Variants in RPS6KC1 observed in about 807,000 individuals in gnomAD.
RPS6KC1 encodes the protein ribosomal protein S6 kinase C1.
RPS6KC1 carries 54 observed loss-of-function variants against 103.8 expected under a neutral mutation model. The observed-to-expected ratio is 0.52, with a 90% CI of 0.42 to 0.65. The LOEUF is 0.65. RPS6KC1 is among the 30% of genes least tolerant of loss of function. RPS6KC1 has a pLI of 0.00. For synonymous variants in RPS6KC1, 439 were observed against 438.7 expected (o/e 1.00, Z -0.01); for missense variants, 1,151 against 1,253.8 (o/e 0.92, Z 1.24).
At chr1:213,150,149 T>G (rs957899192) in intron 6 of RPS6KC1, among the ~76,000 whole-genome samples, 5 of 152,126 alleles carry the variant, frequency 3.3e-5, no homozygotes, top group Admixed American at 6.6e-5. Flanking sequence ...TCAATGTTAT[T>G]ATTTATAAGT....
chr1:213,226,064 A>G (rs1201546808), intron 8 of RPS6KC1, among the ~76,000 whole-genome samples: 1 of 152,084 alleles, frequency 6.6e-6, no homozygotes, highest in African/African-American at 2.4e-5. Flanking sequence ...TCTACTAAAA[A>G]TACAAAAAAT....
At chr1:213,633,874 CAAAAAAAAAAAAAAAAAAAAAA>C in the RPS6KC1 span, among the ~76,000 whole-genome samples, 66 of 8,278 alleles carry the variant, frequency 8.0e-3, no homozygotes, top group South Asian at 0.049. Flanking sequence ...AAATGGAAAG[CAAAAAAAAAAAAAAAAAAAAAA>C]AAAAAAAAAA....
chr1:213,854,720 C>T, the RPS6KC1 span, among the ~76,000 whole-genome samples: 1 of 152,090 alleles, frequency 6.6e-6, no homozygotes, highest in Non-Finnish European at 1.5e-5. Context: ...GAAATGCAAA[C>T]CCTGGGACTC....
At chr1:213,153,835 T>C (rs563367645) in intron 6 of RPS6KC1, among the ~76,000 whole-genome samples, 5 of 152,346 alleles carry the variant, frequency 3.3e-5, no homozygotes, top group Non-Finnish European at 7.3e-5. Flanking sequence ...AGGATACTTT[T>C]GCTGGCTATA....
At chr1:213,834,845 A>T in the RPS6KC1 span, among the ~76,000 whole-genome samples, 1 of 152,178 alleles carries the variant, frequency 6.6e-6, no homozygotes, top group African/African-American at 2.4e-5. Context: ...GTTCACTGAG[A>T]CCATCCAGGG....
At chr1:213,465,466 C>T in the RPS6KC1 span, among the ~76,000 whole-genome samples, 1 of 152,142 alleles carries the variant, frequency 6.6e-6, no homozygotes, top group African/African-American at 2.4e-5. Flanking sequence ...TGTGGCTGTG[C>T]CAGTTTCCTC....
At chr1:213,613,771 G>T in the RPS6KC1 span, among the ~76,000 whole-genome samples, 1 of 152,166 alleles carries the variant, frequency 6.6e-6, no homozygotes, top group Non-Finnish European at 1.5e-5. Context: ...GGGCAAGTTG[G>T]CTGGGCCCAG....
chr1:213,491,381 C>T, the RPS6KC1 span, among the ~76,000 whole-genome samples: 4 of 152,102 alleles, frequency 2.6e-5, no homozygotes, highest in Non-Finnish European at 5.9e-5. Flanking sequence ...AACCCCATTT[C>T]TACCTAAAAT....
At chr1:213,151,949 C>T (rs1273669303) in intron 6 of RPS6KC1, among the ~76,000 whole-genome samples, 12 of 123,416 alleles carry the variant, frequency 9.7e-5, no homozygotes, top group African/African-American at 2.6e-4. Context: ...ACCTCCCTCC[C>T]GGATGGGGCG....
the RPS6KC1 span, among the ~76,000 whole-genome samples, chr1:213,706,252 T>C: frequency 6.6e-6 from 1 of 152,208 alleles, no homozygotes; most frequent in South Asian, 2.1e-4. Flanking sequence ...CTTGCAGAAC[T>C]TAAGTTCTGA....
the RPS6KC1 span, among the ~76,000 whole-genome samples, chr1:213,755,300 C>A: frequency 6.6e-6 from 1 of 152,218 alleles, no homozygotes; most frequent in East Asian, 1.9e-4. Flanking sequence ...CTGAAGGCTC[C>A]ATGTCTCAGG....
chr1:213,488,315 G>C, the RPS6KC1 span, among the ~76,000 whole-genome samples: 1 of 152,194 alleles, frequency 6.6e-6, no homozygotes, highest in Admixed American at 6.5e-5. Context: ...TGCTACAACA[G>C]GACCATTATA....
the RPS6KC1 span, among the ~76,000 whole-genome samples, chr1:213,305,403 T>C: frequency 6.6e-6 from 1 of 152,218 alleles, no homozygotes; most frequent in Admixed American, 6.5e-5. Context: ...TCTTTATTAC[T>C]AGACCAAATT....
intron 12 of RPS6KC1, among the ~76,000 whole-genome samples, chr1:213,244,754 C>T (rs1321434251): frequency 6.6e-6 from 1 of 152,142 alleles, no homozygotes; most frequent in Non-Finnish European, 1.5e-5. Context: ...CCAGAAATTA[C>T]AATTCTCTTA....
rs762499668 is a variant in RPS6KC1 at position 213,167,968 on chromosome 1, T to C, written c.946T>C (p.Ser316Pro). ...LYGKPQLDDV[S>P]QPPGSLSSRP... is the part of the protein sequence containing the mutation. ...TGGGAAACCTCAGCTTGATGATGTA[T>C]CTCAGGTATGTCTCATATTTTGTTG... Residue 316 changes from serine to proline, a missense_variant, in exon 7 of 15, where the codon TCT becomes CCT. Coordinates refer to ENST00000366960, the MANE Select transcript of RPS6KC1 (RefSeq NM_012424.6). 6.3e-7 allele frequency: 1 copy of C among 1,598,254 alleles called. No individual in the cohort carries two copies. The highest frequency in any genetic ancestry group is 8.6e-7 in the Non-Finnish European group (1 of 1,166,242).
intron 6 of RPS6KC1, among the ~76,000 whole-genome samples, chr1:213,135,009 T>C (rs749220487): frequency 3.3e-5 from 5 of 152,146 alleles, no homozygotes; most frequent in Admixed American, 2.0e-4. Flanking sequence ...TCCTGATATC[T>C]CAGGGGGAAA....
At chr1:213,506,520 A>G in the RPS6KC1 span, among the ~76,000 whole-genome samples, 2 of 152,248 alleles carry the variant, frequency 1.3e-5, no homozygotes, top group African/African-American at 2.4e-5. Flanking sequence ...TACTCATTCA[A>G]CATCTATGGG....
At chr1:213,330,256 G>A in the RPS6KC1 span, among the ~76,000 whole-genome samples, 9 of 152,174 alleles carry the variant, frequency 5.9e-5, no homozygotes, top group African/African-American at 1.2e-4. Flanking sequence ...TTGGGTTACC[G>A]ACCTTCTATC....
At chr1:213,269,853 C>A (rs2095001513) in intron 14 of RPS6KC1, among the ~76,000 whole-genome samples, 2 of 151,504 alleles carry the variant, frequency 1.3e-5, no homozygotes, top group African/African-American at 4.9e-5. Context: ...AGTTCAAGAC[C>A]AGCCTGGGAA....
Sources: allele counts gnomAD v4.1 joint callset (sites outside exome capture counted in the v4.1 genomes callset), GRCh38; gene constraint gnomAD v4.1.1; transcripts MANE v1.5; gene names NCBI Gene and HGNC (gene_info 2026-07-23, HGNC 2026-07-21).